Variants in PREP observed in about 807,000 individuals in gnomAD.
The protein encoded by PREP is dJ355L5.1 (prolyl endopeptidase).
Under a neutral mutation model 87.6 loss-of-function variants are expected in PREP, and 29 were observed. The observed-to-expected ratio is 0.33, with a 90% CI of 0.25 to 0.45. PREP has a LOEUF of 0.45. Ranked by LOEUF, PREP falls within the 20% of genes least tolerant of loss-of-function variation. The pLI is 1.00. For synonymous variants in PREP, 337 were observed against 328.6 expected, an observed-to-expected ratio of 1.03 and a Z score of -0.28; for missense variants, 695 against 886.5, an observed-to-expected ratio of 0.78 and a Z score of 2.74.
intron 7 of PREP, among the ~76,000 whole-genome samples, chr6:105,334,196 T>C (rs1771420286): frequency 6.6e-6 from 1 of 152,212 alleles, no homozygotes; most frequent in African/African-American, 2.4e-5. Context: ...CTTAGAAACT[T>C]TCAATGACTT....
intron 5 of PREP, among the ~76,000 whole-genome samples, chr6:105,370,503 CAT>C (rs1018783126): frequency 1.3e-5 from 2 of 152,026 alleles, no homozygotes; most frequent in African/African-American, 4.8e-5. Context: ...CTCTTAACCA[CAT>C]GATCCCACAG....
rs1294560614 is a variant in PREP, at chr6:105,275,753, T to C, written c.*2391A>G. Among the ~76,000 whole-genome samples the C allele has an allele frequency of 6.6e-6, 1 of 152,156 alleles. No homozygotes were observed. Among genetic ancestry groups the C allele is most frequent in the Non-Finnish European group, 1.5e-5 (1 of 68,036 alleles). On this transcript the variant is annotated 3_prime_UTR_variant, in exon 15 of 15. Coordinates refer to ENST00000652536, the MANE Select transcript of PREP (RefSeq NM_002726.5). ...TATACAATGGAATATGATTTAGCCA[T>C]GAAAAAGACTGAGATCCTGTCATTT...
chr6:105,313,211 T>C (rs1435888444), intron 10 of PREP, among the ~76,000 whole-genome samples: 1 of 152,006 alleles, frequency 6.6e-6, no homozygotes, highest in Non-Finnish European at 1.5e-5. Flanking sequence ...ATGCCAGTAA[T>C]GGTTTTTCCT....
rs780756508 is a variant in PREP at position 105,373,394 on chromosome 6, GTA to G, written c.568_569del (p.Tyr190ProfsTer8). On this transcript the variant is annotated frameshift_variant, in exon 5 of 15. Coordinates refer to ENST00000652536, the MANE Select transcript of PREP (RefSeq NM_002726.5). LOFTEE classifies it high-confidence loss of function. ...CATCACTTTTTCCATCCTGTTGAGGGTATGAGTTGTAGAACATTCCCTTCCCA... is the reference window on the plus strand; with the variant it reads ...CATCACTTTTTCCATCCTGTTGAGGGTGAGTTGTAGAACATTCCCTTCCCA... ...HDGKGMFYNS[Y>X]PQQDGKSDGT... is the part of the protein sequence containing the mutation. The G allele has an allele frequency of 6.2e-7, 1 of 1,614,088 alleles. No homozygotes were observed.
intron 2 of PREP, among the ~76,000 whole-genome samples, chr6:105,388,700 A>T (rs1388514028): frequency 1.3e-5 from 2 of 152,252 alleles, no homozygotes; most frequent in African/African-American, 2.4e-5. Flanking sequence ...AGACCTTAGA[A>T]GTCTTAGAGA....
intron 5 of PREP, among the ~76,000 whole-genome samples, chr6:105,369,978 G>A (rs924810645): frequency 1.3e-5 from 2 of 152,094 alleles, no homozygotes; most frequent in Non-Finnish European, 1.5e-5. Flanking sequence ...ATGGTCGGGC[G>A]TGGTGGCTCA....
At chr6:105,287,365 T>C (rs1206105205) in intron 11 of PREP, among the ~76,000 whole-genome samples, 2 of 152,162 alleles carry the variant, frequency 1.3e-5, no homozygotes, top group Non-Finnish European at 2.9e-5. Context: ...TTCTAACTAG[T>C]TTCCCTTCAT....
intron 10 of PREP, among the ~76,000 whole-genome samples, chr6:105,319,242 T>C (rs1770946011): frequency 6.6e-6 from 1 of 152,232 alleles, no homozygotes; most frequent in Non-Finnish European, 1.5e-5. Context: ...AAAATCAATG[T>C]TAACTACTTA....
chr6:105,281,665 G>A, intron 14 of PREP, 81 bp downstream of exon 14: 1 of 1,500,272 alleles, frequency 6.7e-7, no homozygotes, highest in Non-Finnish European at 9.0e-7. Flanking sequence ...CAGTGACAAA[G>A]CTCAAGCACT....
At chr6:105,389,840 G>A (rs910716081) in intron 2 of PREP, among the ~76,000 whole-genome samples, 1 of 152,206 alleles carries the variant, frequency 6.6e-6, no homozygotes, top group Non-Finnish European at 1.5e-5. Context: ...AGAAAGAACA[G>A]AAACTCCTCA....
intron 10 of PREP, among the ~76,000 whole-genome samples, chr6:105,317,610 C>T (rs1176841744): frequency 2.6e-5 from 4 of 152,126 alleles, no homozygotes; most frequent in African/African-American, 4.8e-5. Flanking sequence ...TAGGTGGGTT[C>T]GTGCCATGCT....
At chr6:105,392,879 A>G (rs866077243) in intron 2 of PREP, among the ~76,000 whole-genome samples, 30 of 152,100 alleles carry the variant, frequency 2.0e-4, no homozygotes, top group African/African-American at 7.0e-4. Flanking sequence ...AGCCGGCCCC[A>G]TGCTGACCTG....
At chr6:105,373,665 T>C (rs1343068254) in intron 4 of PREP, 87 bp from the exon 5 acceptor site, 5 of 1,279,940 alleles carry the variant, frequency 3.9e-6, no homozygotes, top group African/African-American at 3.0e-5. Context: ...CTCTCTTTCA[T>C]AACACGGAGG....
chr6:105,307,045 C>A (rs1430561376), intron 10 of PREP, among the ~76,000 whole-genome samples: 1 of 152,154 alleles, frequency 6.6e-6, no homozygotes, highest in East Asian at 1.9e-4. Flanking sequence ...GACAAGCTGA[C>A]CAATAAAAAA....
At chr6:105,354,998 A>G (rs78514798) in intron 6 of PREP, among the ~76,000 whole-genome samples, 261 of 152,320 alleles carry the variant, frequency 1.7e-3, no homozygotes, top group African/African-American at 5.9e-3. Flanking sequence ...AGAGGAATAC[A>G]TAAATATGGA....
At chr6:105,358,785 T>C (rs760582837) in intron 6 of PREP, among the ~76,000 whole-genome samples, 13 of 152,112 alleles carry the variant, frequency 8.5e-5, no homozygotes, top group Non-Finnish European at 1.9e-4. Flanking sequence ...ATCAAGGTCG[T>C]CAATGAAAGG....
chr6:105,357,903 C>T (rs1227082635), intron 6 of PREP, among the ~76,000 whole-genome samples: 3 of 148,614 alleles, frequency 2.0e-5, no homozygotes, highest in African/African-American at 7.4e-5. Context: ...AATTCCGGTT[C>T]AACAATACTG....
intron 7 of PREP, among the ~76,000 whole-genome samples, chr6:105,338,575 G>A (rs1013989409): frequency 1.4e-4 from 22 of 152,198 alleles, no homozygotes; most frequent in African/African-American, 5.1e-4. Flanking sequence ...AGCATGAGCC[G>A]AAGCAGGGCG....
intron 2 of PREP, among the ~76,000 whole-genome samples, chr6:105,388,153 G>C (rs1269607371): frequency 6.7e-6 from 1 of 150,128 alleles, no homozygotes; most frequent in Non-Finnish European, 1.5e-5. Context: ...GCCAAAGAGG[G>C]TCCCTGGGGC....
Sources: allele counts gnomAD v4.1 joint callset (sites outside exome capture counted in the v4.1 genomes callset), GRCh38; gene constraint gnomAD v4.1.1; transcripts MANE v1.5; gene names NCBI Gene and HGNC (gene_info 2026-07-23, HGNC 2026-07-21).